Variants in CBL observed in about 807,000 individuals in gnomAD.
CBL encodes E3 ubiquitin-protein ligase CBL.
CBL carries 45 observed loss-of-function variants against 96.9 expected under a neutral mutation model. The ratio of observed to expected loss-of-function variants is 0.46; its 90% confidence interval spans 0.37 to 0.60. The LOEUF is 0.60. Ranked by LOEUF, CBL falls within the 20% of genes least tolerant of loss-of-function variation. The pLI is 0.00. For synonymous variants in CBL, 420 were observed against 426.8 expected (o/e 0.98, Z 0.20); for missense variants, 1,024 against 1,143.5 (o/e 0.90, Z 1.51).
At chr11:119,263,771 GCTGATTA>G (rs1248316523) in intron 2 of CBL, among the ~76,000 whole-genome samples, 2 of 152,088 alleles carry the variant, frequency 1.3e-5, no homozygotes, top group Non-Finnish European at 2.9e-5. Flanking sequence ...TATTTTTAAA[GCTGATTA>G]CTGTGAGCAG....
rs571045498 is a variant in CBL, at chr11:119,285,550, G to A, written c.1925G>A (p.Ser642Asn). The stretch of plus-strand genomic sequence containing the variant: ...GTGCCTAGGCTCGGAAGCACGTTCA[G>A]TCTGGATACCTCCATGGTGAGTCTT... Reference protein sequence around the residue: ...PDVPRLGSTFSLDTSMSMNSS... With the variant: ...PDVPRLGSTFNLDTSMSMNSS... The change falls in exon 11 of 16, where the codon AGT (serine) becomes AAT (asparagine). Residue 642 changes from serine (S) to asparagine (N), a missense_variant. Ser to Asn is a conservative substitution (Grantham distance 46). This residue lies in a region of CBL where 695 missense variants were observed against 661.6 expected (regional missense o/e 1.05). Coordinates refer to ENST00000264033, the MANE Select transcript of CBL (RefSeq NM_005188.4). 4.3e-6 allele frequency: 7 copies of A among 1,614,042 alleles called. No individual in the cohort carries two copies. In the African/African-American group the frequency reaches 5.3e-5, roughly 12 times the overall value.
At chr11:119,265,744 C>T (rs558033454) in intron 2 of CBL, among the ~76,000 whole-genome samples, 2 of 151,844 alleles carry the variant, frequency 1.3e-5, no homozygotes, top group East Asian at 1.9e-4. Context: ...AAAATTAGGC[C>T]GGGCGCAGTG....
intron 9 of CBL, among the ~76,000 whole-genome samples, chr11:119,282,818 C>T (rs754274284): frequency 6.6e-6 from 1 of 152,088 alleles, no homozygotes; most frequent in Non-Finnish European, 1.5e-5. Flanking sequence ...CGCGGTGGCT[C>T]ACGCCTGTAA....
At chr11:119,220,662 T>C (rs905566302) in intron 1 of CBL, among the ~76,000 whole-genome samples, 2 of 152,170 alleles carry the variant, frequency 1.3e-5, no homozygotes, top group African/African-American at 4.8e-5. Context: ...GCATACATTG[T>C]ATTGAATGTA....
In CBL at chr11:119,278,246, G is replaced by T; in HGVS notation, c.1176G>T (p.Lys392Asn). The change falls in exon 8 of 16, where the codon AAG becomes AAT. Residue 392 changes from lysine to asparagine, a missense_variant. Lys to Asn is a moderately conservative substitution (Grantham distance 94). Around this residue, in one of 4 missense-constraint regions of CBL, gnomAD observed 695 missense variants for 661.6 expected, o/e 1.05. Transcript: ENST00000264033. ...GTGCTGAAAATGATAAGGATGTAAA[G>T]ATTGAGCCCTGTGGACACCTCATGT... Reference protein sequence around the residue: ...KICAENDKDVKIEPCGHLMCT... With the variant: ...KICAENDKDVNIEPCGHLMCT... The T allele has an allele frequency of 1.9e-6, 3 of 1,613,662 alleles. No individual in the cohort carries two copies. Among genetic ancestry groups the T allele is most frequent in the Non-Finnish European group, 2.5e-6 (3 of 1,179,606 alleles).
chr11:119,230,091 A>G (rs1012270938), intron 1 of CBL, among the ~76,000 whole-genome samples: 1 of 152,134 alleles, frequency 6.6e-6, no homozygotes, highest in African/African-American at 2.4e-5. Flanking sequence ...GACTAGAATT[A>G]TTTAAATATC....
intron 2 of CBL, among the ~76,000 whole-genome samples, chr11:119,260,959 T>TTTTTTTA (rs57372947): frequency 6.7e-6 from 1 of 149,024 alleles, no homozygotes; most frequent in South Asian, 2.1e-4. Context: ...TTTTTTTTTT[T>TTTTTTTA]AATGGAGGCA....
intron 1 of CBL, among the ~76,000 whole-genome samples, chr11:119,227,553 CTT>C (rs757085592): frequency 2.8e-5 from 4 of 142,452 alleles, no homozygotes; most frequent in Non-Finnish European, 1.5e-5. Context: ...TTATAATTTT[CTT>C]TTTTTTTTTT....
intron 2 of CBL, among the ~76,000 whole-genome samples, chr11:119,259,030 GT>G (rs1949732756): frequency 6.6e-6 from 1 of 151,984 alleles, no homozygotes; most frequent in Non-Finnish European, 1.5e-5. Flanking sequence ...TTTATGTGTT[GT>G]TTTCTTTCAG....
intron 2 of CBL, among the ~76,000 whole-genome samples, chr11:119,269,593 A>C (rs957910922): frequency 8.5e-5 from 13 of 152,202 alleles, no homozygotes; most frequent in Non-Finnish European, 1.9e-4. Context: ...CGAAAGACAA[A>C]GATAGCACTG....
At chr11:119,217,471 C>G (rs1473051687) in intron 1 of CBL, among the ~76,000 whole-genome samples, 1 of 152,132 alleles carries the variant, frequency 6.6e-6, no homozygotes, top group African/African-American at 2.4e-5. Flanking sequence ...CAAGTAATTT[C>G]TTATAAACCA....
At chr11:119,267,687 G>T (rs1179292291) in intron 2 of CBL, among the ~76,000 whole-genome samples, 1 of 152,154 alleles carries the variant, frequency 6.6e-6, no homozygotes, top group African/African-American at 2.4e-5. Context: ...ATAAAAGCAA[G>T]AATTTTATTT....
At chr11:119,216,013 T>TA (rs1339756141) in intron 1 of CBL, among the ~76,000 whole-genome samples, 2 of 152,212 alleles carry the variant, frequency 1.3e-5, no homozygotes, top group African/African-American at 4.8e-5. Flanking sequence ...GAGGGGGTGC[T>TA]AATGATGGCA....
intron 2 of CBL, among the ~76,000 whole-genome samples, chr11:119,257,625 G>T (rs570465511): frequency 6.6e-6 from 1 of 152,060 alleles, no homozygotes; most frequent in African/African-American, 2.4e-5. Flanking sequence ...CTTTGCCTAG[G>T]TCAATGTCCA....
chr11:119,287,887 T>G lies in CBL; in HGVS notation c.1977T>G (p.Cys659Trp). 6.2e-7 allele frequency: 1 copy of G among 1,613,910 alleles called. No individual in the cohort carries two copies. Among genetic ancestry groups the G allele is most frequent in the Non-Finnish European group, 8.5e-7 (1 of 1,179,744 alleles). The change falls in exon 12 of 16, where the codon TGT becomes TGG. Residue 659 changes from cysteine (C) to tryptophan (W), a missense_variant. Cys to Trp is a radical substitution (Grantham distance 215). Transcript: ENST00000264033. ...GCAGCCCATTAGTAGGTCCAGAGTG[T>G]GACCACCCCAAAATCAAACCTTCCT... The part of the protein sequence containing the change: ...MNSSPLVGPE[C>W]DHPKIKPSSS...
chr11:119,214,420 T>C (rs751426878), intron 1 of CBL, among the ~76,000 whole-genome samples: 21 of 152,158 alleles, frequency 1.4e-4, no homozygotes, highest in Non-Finnish European at 1.8e-4. Context: ...AGTTAATTTT[T>C]GTACTTTTGG....
Position 119,210,603 on chromosome 11 carries a change from ATT to A in CBL, c.195+4015_195+4016del, listed in dbSNP as rs768564444. Among the ~76,000 whole-genome samples, 100 of 98,638 alleles carry A rather than the reference ATT, an allele frequency of 1.0e-3. No individual in the cohort carries two copies. The East Asian group carries it at 0.017, about 16-fold the overall frequency. The allele number at this position is 98,638 out of a possible 152,430, so 64.7% of individuals were successfully genotyped here. A position where few individuals can be genotyped will look rare whatever the true frequency, so the allele number is the denominator to read the frequency against. The stretch of plus-strand genomic sequence containing the variant: ...GCCACCACACCTGGCTAATTTTTCA[ATT>A]TTTTTTTTTTTTTTTTTTTTTTTAC... On this transcript the variant is annotated intron_variant, in intron 1 of 15. Transcript: ENST00000264033.
intron 11 of CBL, among the ~76,000 whole-genome samples, chr11:119,286,694 TGAA>T (rs755689636): frequency 4.6e-5 from 7 of 151,960 alleles, no homozygotes; most frequent in Non-Finnish European, 1.0e-4. Context: ...TGGTAGGAAA[TGAA>T]GAGCATTTGA....
rs891410943 is a variant in CBL at position 119,278,724 on chromosome 11, A to C, written c.1431+11A>C. 6.2e-6 allele frequency: 10 copies of C among 1,610,716 alleles called. No individual in the cohort carries two copies. Among genetic ancestry groups the C allele is most frequent in the East Asian group, 2.2e-5 (1 of 44,868 alleles). ...TTGGCTGGTGCCAAGGTAAGATGGC[A>C]GTTTAGGAGACTGGCAAAATCCATT... On this transcript the variant is annotated intron_variant, in intron 9 of 15. Coordinates refer to ENST00000264033, the MANE Select transcript of CBL (RefSeq NM_005188.4).
Sources: allele counts gnomAD v4.1 joint callset (sites outside exome capture counted in the v4.1 genomes callset), GRCh38; gene constraint gnomAD v4.1.1; regional missense constraint gnomAD v4.1.1; transcripts MANE v1.5; gene names NCBI Gene and HGNC (gene_info 2026-07-23, HGNC 2026-07-21).